Variants in UNC80 observed in about 807,000 individuals in gnomAD.
The protein encoded by UNC80 is unc-80 subunit of NALCN channel complex.
A neutral mutation model predicts 384.6 loss-of-function variants in UNC80; 164 were observed. That is an observed-to-expected ratio of 0.43 (90% CI 0.38 to 0.49). The LOEUF is 0.49. Among genes scored for constraint, UNC80 ranks in the 20% least tolerant of loss-of-function variants. The pLI is 0.00. For synonymous variants in UNC80, 1,486 were observed against 1,527.8 expected (o/e 0.97, Z 0.64); for missense variants, 3,330 against 4,143.0 (o/e 0.80, Z 5.39).
Position 209,982,171 on chromosome 2 carries a change from C to T in UNC80, c.9119-8C>T, listed in dbSNP as rs201672456. 32 of 1,550,140 alleles carry T rather than the reference C, an allele frequency of 2.1e-5. No homozygotes were observed. The highest frequency in any genetic ancestry group is 1.7e-4 in the Middle Eastern group (1 of 5,980). On this transcript the variant is annotated splice_polypyrimidine_tract_variant and splice_region_variant and intron_variant, in intron 59 of 64. Transcript: ENST00000673920. ...TTTTGTAACACTCTATTCCTTTGCC[C>T]CTTTTAGATGACTCTATAAGCATGC...
intron 43 of UNC80, 30 bp downstream of exon 43, chr2:209,939,682 G>A: frequency 6.7e-7 from 1 of 1,492,764 alleles, no homozygotes. Context: ...TGCCTCTCTG[G>A]GGCTTTTTCT....
Position 209,904,907 on chromosome 2 carries a change from C to A in UNC80, c.4724C>A (p.Ser1575Tyr). 6.4e-7 allele frequency: 1 copy of A among 1,551,752 alleles called. No homozygotes were observed. Among genetic ancestry groups the A allele is most frequent in the South Asian group, 1.2e-5 (1 of 84,058 alleles). The change falls in exon 29 of 65, where the codon TCC (serine) becomes TAC (tyrosine). Residue 1575 changes from serine (S) to tyrosine (Y), a missense_variant. Transcript: ENST00000673920. ...IKLLYGDSVDSLRESSNISSV... is the reference protein window; with the variant it reads ...IKLLYGDSVDYLRESSNISSV... Reference sequence around the variant, plus strand: ...CTACTCTATGGAGACAGTGTGGACTCCCTGAGGGAAAGCAGCAACATCAGC... The same window carrying A: ...CTACTCTATGGAGACAGTGTGGACTACCTGAGGGAAAGCAGCAACATCAGC...
intron 27 of UNC80, 53 bp downstream of exon 27, chr2:209,894,419 C>T: frequency 2.4e-5 from 23 of 947,326 alleles, no homozygotes; most frequent in Non-Finnish European, 2.9e-5. Flanking sequence ...AAGACAGGGC[C>T]CAAGTCCCAA....
intron 61 of UNC80, among the ~76,000 whole-genome samples, chr2:209,987,181 A>G (rs1046510571): frequency 5.3e-5 from 8 of 152,244 alleles, no homozygotes; most frequent in African/African-American, 1.9e-4. Flanking sequence ...TTGAAAGGAC[A>G]TTTGTTTTAG....
intron 4 of UNC80, among the ~76,000 whole-genome samples, chr2:209,781,033 G>C (rs2077129529): frequency 6.6e-6 from 1 of 152,136 alleles, no homozygotes; most frequent in Non-Finnish European, 1.5e-5. Flanking sequence ...TCCTTTCCTT[G>C]ATTTTTCCCC....
intron 51 of UNC80, among the ~76,000 whole-genome samples, chr2:209,965,418 A>C (rs2092713690): frequency 6.6e-6 from 1 of 152,060 alleles, no homozygotes; most frequent in African/African-American, 2.4e-5. Flanking sequence ...TTCCAAAATA[A>C]AAGTTAAAAA....
intron 21 of UNC80, chr2:209,845,091 A>G (rs2082082031): frequency 6.6e-6 from 1 of 151,660 alleles, no homozygotes; most frequent in African/African-American, 2.4e-5. Flanking sequence ...CCTTCTTAAA[A>G]AAAAAAAAAA....
chr2:209,893,622 C>T (rs1333572218), intron 26 of UNC80, among the ~76,000 whole-genome samples: 1 of 152,112 alleles, frequency 6.6e-6, no homozygotes, highest in Non-Finnish European at 1.5e-5. Flanking sequence ...AGCCATTTCA[C>T]ACTCATGCTC....
intron 61 of UNC80, among the ~76,000 whole-genome samples, chr2:209,988,795 C>A (rs186974065): frequency 3.3e-5 from 5 of 152,246 alleles, no homozygotes; most frequent in Admixed American, 6.5e-5. Context: ...ACCAGTTCTG[C>A]TGAGCCCCAG....
intron 33 of UNC80, among the ~76,000 whole-genome samples, chr2:209,920,429 C>G (rs1158252386): frequency 6.6e-6 from 1 of 152,222 alleles, no homozygotes; most frequent in Non-Finnish European, 1.5e-5. Flanking sequence ...AGGCCACTGA[C>G]TCTGTCTCCA....
chr2:209,777,618 C>A, intron 4 of UNC80, 59 bp downstream of exon 4: 1 of 1,508,348 alleles, frequency 6.6e-7, no homozygotes, highest in Non-Finnish European at 8.9e-7. Flanking sequence ...GGGTAGACTT[C>A]AAATGATATT....
intron 20 of UNC80, among the ~76,000 whole-genome samples, chr2:209,841,087 G>T (rs2081709848): frequency 1.4e-5 from 2 of 147,170 alleles, no homozygotes; most frequent in Admixed American, 1.3e-4. Context: ...AAAGAAGAAA[G>T]AATCTCGGGA....
In UNC80 at chr2:209,872,462, A is replaced by G. The variant is rs903992516; in HGVS notation, c.3628-296A>G. The stretch of plus-strand genomic sequence containing the variant: ...ACTCAAATCGCTGTCACCCTTAAAT[A>G]TACAAAGTTGGAGACATGTAATTAC... On this transcript the variant is annotated intron_variant, in intron 22 of 64. Coordinates refer to ENST00000673920, the MANE Select transcript of UNC80 (RefSeq NM_001371986.1). This position sits in a 1 kb window ranked among gnomAD's most constrained non-coding sequence, Gnocchi z 4.1. Among the ~76,000 whole-genome samples, 1 of 152,222 alleles carries G rather than the reference A, an allele frequency of 6.6e-6. No individual in the cohort carries two copies. The highest frequency in any genetic ancestry group is 1.9e-4 in the East Asian group (1 of 5,202).
intron 51 of UNC80, among the ~76,000 whole-genome samples, chr2:209,966,424 G>A (rs2092743480): frequency 6.6e-6 from 1 of 152,036 alleles, no homozygotes. Flanking sequence ...CATCTACTCG[G>A]TATATTTTAT....
At chr2:209,924,733 TGA>T (rs1481964895) in intron 35 of UNC80, among the ~76,000 whole-genome samples, 1 of 152,036 alleles carries the variant, frequency 6.6e-6, no homozygotes, top group African/African-American at 2.4e-5. Flanking sequence ...CCAACTCATA[TGA>T]GCACCTCAGA....
chr2:209,881,685 C>T (rs1447543221), intron 25 of UNC80, among the ~76,000 whole-genome samples: 2 of 151,882 alleles, frequency 1.3e-5, no homozygotes, highest in Non-Finnish European at 2.9e-5. Context: ...GTGTGGTATA[C>T]CATGAAGGCC....
intron 7 of UNC80, among the ~76,000 whole-genome samples, chr2:209,808,194 T>G (rs1211246699): frequency 6.6e-6 from 1 of 152,166 alleles, no homozygotes; most frequent in Non-Finnish European, 1.5e-5. Flanking sequence ...AGATACCAAT[T>G]TAGTCATCTG....
At chr2:209,821,305 C>T (rs1025911742) in intron 13 of UNC80, among the ~76,000 whole-genome samples, 2 of 152,190 alleles carry the variant, frequency 1.3e-5, no homozygotes, top group Admixed American at 1.3e-4. Flanking sequence ...GACCAGGCCC[C>T]ACCATCATGA....
intron 7 of UNC80, chr2:209,808,875 C>T (rs1389203493): frequency 3.4e-6 from 1 of 295,548 alleles, no homozygotes; most frequent in Admixed American, 4.5e-5. Flanking sequence ...AACTGCCGGA[C>T]TCGAATCCAG....
Sources: allele counts gnomAD v4.1 joint callset (sites outside exome capture counted in the v4.1 genomes callset), GRCh38; gene constraint gnomAD v4.1.1; non-coding constraint Gnocchi (gnomAD v3.1); transcripts MANE v1.5; gene names NCBI Gene and HGNC (gene_info 2026-07-23, HGNC 2026-07-21).